Variants in ROBO1 observed in about 807,000 individuals in gnomAD.
ROBO1 encodes the protein roundabout homolog 1.
A neutral mutation model predicts 195.9 loss-of-function variants in ROBO1; 149 were observed. That is an observed-to-expected ratio of 0.76 (90% CI 0.67 to 0.87). The LOEUF (loss-of-function observed/expected upper bound fraction) is 0.87, where lower values mean the gene tolerates loss of function less well. ROBO1 is among the 40% of genes least tolerant of loss of function. The pLI, the probability that ROBO1 is intolerant of heterozygous loss-of-function variation, is 0.00. For missense variants in ROBO1, 1,933 were observed against 2,068.3 expected (o/e 0.93, Z 1.27); for synonymous variants, 816 against 733.2 (o/e 1.11, Z -1.82).
chr3:79,119,264 C>T (rs1382237219), intron 3 of ROBO1, among the ~76,000 whole-genome samples: 2 of 152,242 alleles, frequency 1.3e-5, no homozygotes, highest in East Asian at 3.9e-4. Flanking sequence ...GCTTAATTTA[C>T]TTTTTAATGC....
intron 26 of ROBO1, among the ~76,000 whole-genome samples, chr3:78,621,427 T>C (rs1704449698): frequency 6.6e-6 from 1 of 152,180 alleles, no homozygotes; most frequent in Non-Finnish European, 1.5e-5. Flanking sequence ...GCCAGCATTG[T>C]TGTGTTTGGA....
intron 2 of ROBO1, among the ~76,000 whole-genome samples, chr3:79,133,456 T>C (rs1401492382): frequency 8.3e-6 from 1 of 120,468 alleles, no homozygotes; most frequent in Admixed American, 9.2e-5. Flanking sequence ...GCTGATACCC[T>C]TTCTTCCAGT....
chr3:78,849,425 G>A (rs543158716), intron 4 of ROBO1, among the ~76,000 whole-genome samples: 12 of 151,976 alleles, frequency 7.9e-5, no homozygotes, highest in Non-Finnish European at 1.6e-4. Context: ...ATTTTTATAG[G>A]ACCTTTTAGG....
At chr3:78,647,256 G>A (rs899267080) in intron 20 of ROBO1, among the ~76,000 whole-genome samples, 15 of 152,040 alleles carry the variant, frequency 9.9e-5, no homozygotes, top group African/African-American at 3.6e-4. Context: ...TTATAAGGGA[G>A]AGAAATTTTT....
chr3:78,906,776 T>A (rs1227271307), intron 4 of ROBO1, among the ~76,000 whole-genome samples: 2 of 152,124 alleles, frequency 1.3e-5, no homozygotes, highest in Non-Finnish European at 2.9e-5. Context: ...TAAATACTTA[T>A]TGATATACTG....
intron 1 of ROBO1, among the ~76,000 whole-genome samples, chr3:79,687,794 T>C (rs1947172650): frequency 6.6e-6 from 1 of 152,166 alleles, no homozygotes; most frequent in Non-Finnish European, 1.5e-5. Flanking sequence ...AGTTCAACCA[T>C]TGTGGAAGTC....
chr3:79,142,869 C>T (rs1329003271), intron 2 of ROBO1, among the ~76,000 whole-genome samples: 1 of 152,050 alleles, frequency 6.6e-6, no homozygotes, highest in African/African-American at 2.4e-5. Flanking sequence ...TATGTATGAA[C>T]ATTTTAAGGA....
chr3:79,097,149 G>A (rs1443020710), intron 3 of ROBO1, among the ~76,000 whole-genome samples: 1 of 151,516 alleles, frequency 6.6e-6, no homozygotes, highest in Non-Finnish European at 1.5e-5. Flanking sequence ...GAAATCTGCT[G>A]TCAGAGTCTA....
chr3:79,329,972 C>A (rs1393819064), intron 2 of ROBO1, among the ~76,000 whole-genome samples: 1 of 151,844 alleles, frequency 6.6e-6, no homozygotes, highest in Non-Finnish European at 1.5e-5. Flanking sequence ...TACTGGAACT[C>A]GCAGATGGTA....
intron 2 of ROBO1, among the ~76,000 whole-genome samples, chr3:79,221,014 TA>T (rs1559744772): frequency 6.6e-6 from 1 of 152,008 alleles, no homozygotes; most frequent in East Asian, 1.9e-4. Context: ...ATCCAGACAT[TA>T]CCAAATGCTT....
intron 1 of ROBO1, among the ~76,000 whole-genome samples, chr3:79,707,468 G>C (rs1018522180): frequency 2.0e-5 from 3 of 151,758 alleles, no homozygotes; most frequent in African/African-American, 7.3e-5. Flanking sequence ...CTTTTTCTCT[G>C]TTGATTCCCT....
intron 2 of ROBO1, among the ~76,000 whole-genome samples, chr3:79,358,327 G>C (rs929890235): frequency 6.6e-6 from 1 of 152,064 alleles, no homozygotes; most frequent in Non-Finnish European, 1.5e-5. Context: ...TCAGGTTTAA[G>C]TGTTAAGTCA....
chr3:79,670,230 T>C (rs944138611), intron 1 of ROBO1, among the ~76,000 whole-genome samples: 2 of 151,960 alleles, frequency 1.3e-5, no homozygotes, highest in African/African-American at 4.8e-5. Context: ...TTAACCTAAG[T>C]CATGGTTCAT....
intron 1 of ROBO1, among the ~76,000 whole-genome samples, chr3:79,736,536 A>C (rs971027922): frequency 6.6e-6 from 1 of 152,230 alleles, no homozygotes; most frequent in African/African-American, 2.4e-5. Context: ...GGGAGATGTA[A>C]TAATAGCTTA....
chr3:79,671,097 C>T (rs1456172473), intron 1 of ROBO1, among the ~76,000 whole-genome samples: 1 of 151,770 alleles, frequency 6.6e-6, no homozygotes, highest in African/African-American at 2.4e-5. Context: ...AAATAGTCAA[C>T]ATATTGACAG....
chr3:78,965,636 G>A (rs779726405), intron 3 of ROBO1, among the ~76,000 whole-genome samples: 12 of 151,426 alleles, frequency 7.9e-5, no homozygotes, highest in Non-Finnish European at 5.9e-5. Context: ...AAAAAATAAA[G>A]CATGTAATAT....
chr3:79,294,112 T>C (rs985252921), intron 2 of ROBO1, among the ~76,000 whole-genome samples: 4 of 140,880 alleles, frequency 2.8e-5, no homozygotes, highest in African/African-American at 1.1e-4. Context: ...GAATTTCATA[T>C]GGAATCAAAA....
chr3:79,608,969 T>C lies in ROBO1; in HGVS notation c.-50-19008A>G, dbSNP rs531938900. Reference sequence around the variant, plus strand: ...CTTATAAAGGAGATGTCTTACAGTGTTACCTAGGTTGTTCTTCACTCTTCT... The same window carrying C: ...CTTATAAAGGAGATGTCTTACAGTGCTACCTAGGTTGTTCTTCACTCTTCT... On this transcript the variant is annotated intron_variant, in intron 1 of 30. Coordinates refer to ENST00000464233, the MANE Select transcript of ROBO1 (RefSeq NM_002941.4). 7.2e-4 allele frequency among the ~76,000 whole-genome samples: 109 copies of C among 152,088 alleles called. 1 individual carries two copies. The highest frequency in any genetic ancestry group is 1.1e-3 in the Non-Finnish European group (77 of 67,914).
At chr3:78,801,244 A>G (rs2084361645) in intron 4 of ROBO1, among the ~76,000 whole-genome samples, 1 of 152,216 alleles carries the variant, frequency 6.6e-6, no homozygotes, top group South Asian at 2.1e-4. Context: ...CGGATGAATT[A>G]GTCCTTAACA....
Sources: allele counts gnomAD v4.1 joint callset (sites outside exome capture counted in the v4.1 genomes callset), GRCh38; gene constraint gnomAD v4.1.1; transcripts MANE v1.5; gene names NCBI Gene and HGNC (gene_info 2026-07-23, HGNC 2026-07-21).